GRIP2: variants seen among roughly 807,000 people sequenced by gnomAD.
GRIP2 encodes glutamate receptor-interacting protein 2.
GRIP2 carries 58 observed loss-of-function variants against 108.3 expected under a neutral mutation model. The ratio of observed to expected loss-of-function variants is 0.54; its 90% CI spans 0.43 to 0.67. The LOEUF is 0.67. GRIP2 is among the 30% of genes least tolerant of loss of function. The pLI is 0.00. For missense variants in GRIP2, 1,278 were observed against 1,430.6 expected (o/e 0.89, Z 1.72); for synonymous variants, 586 against 598.2 (o/e 0.98, Z 0.30).
At position 14,521,730 on chromosome 3, in the gene GRIP2, G is replaced by A. The variant is rs7645232; in HGVS notation, c.624C>T (p.His208=). The A allele has an allele frequency of 0.14, 231,744 of 1,608,900 alleles. 22,821 individuals are homozygous for A. The highest frequency in any genetic ancestry group is 0.48 in the African/African-American group (36,119 of 74,898). The part of the protein sequence containing the change: ...RLLSVDGIPL[H]GASHATALAT... ...CCAGGGCGGTGGCATGGCTGGCCCC[G>A]TGCAGCGGGATTCCATCGACACTGA... Residue 208 remains histidine (H), a synonymous_variant, in exon 7 of 24, where the codon CAC becomes CAT. Transcript: ENST00000621039. This position sits in a 1 kb window ranked among gnomAD's most constrained non-coding sequence, Gnocchi z 5.1.
rs527280825 is a variant in GRIP2 at position 14,513,801 on chromosome 3, C to T, written c.1503G>A (p.Leu501=). The T allele has an allele frequency of 2.9e-5, 46 of 1,612,954 alleles. No homozygotes were observed. The highest frequency in any genetic ancestry group is 3.8e-5 in the Non-Finnish European group (45 of 1,179,586). ...ACAGGACACGGTCCCCCACCTGCAG[C>T]AGCCCACACCTGAACCCAGGGGGCC... is the stretch of plus-strand genomic sequence containing the variant. ...EPDSPAERCG[L]LQVGDRVLSI... Residue 501 remains leucine, a synonymous_variant, in exon 13 of 24, where the codon CTG becomes CTA. Coordinates refer to ENST00000621039, the MANE Select transcript of GRIP2 (RefSeq NM_001080423.4).
At chr3:14,536,199 T>C (rs1694830015) in intron 1 of GRIP2, among the ~76,000 whole-genome samples, 1 of 152,214 alleles carries the variant, frequency 6.6e-6, no homozygotes, top group African/African-American at 2.4e-5. Context: ...GTTGGGCCCT[T>C]CCCTGGGCCA....
In GRIP2 at chr3:14,505,885, C is replaced by T. The variant is rs1251879944; in HGVS notation, c.2399-96G>A. 15 of 1,169,716 alleles carry T rather than the reference C, an allele frequency of 1.3e-5. No homozygotes were observed. In the East Asian group the frequency reaches 2.0e-4, roughly 16 times the overall value. The allele number at this position is 1,169,716 out of a possible 1,614,324, so 72.5% of individuals were successfully genotyped here. The stretch of plus-strand genomic sequence containing the variant: ...CTGTGCTGAGTGACCCTGGGGAGGT[C>T]GTTGCTCCTCTCTGGGCCTGCATCT... On this transcript the variant is annotated intron_variant, in intron 19 of 23. Coordinates refer to ENST00000621039, the MANE Select transcript of GRIP2 (RefSeq NM_001080423.4). The surrounding 1 kb of genome is among the most constrained non-coding windows in gnomAD (Gnocchi z 4.2).
Position 14,496,403 on chromosome 3 carries a change from C to A in GRIP2, c.2823+14G>T. The A allele has an allele frequency of 6.2e-7, 1 of 1,602,894 alleles. No individual in the cohort carries two copies. The highest frequency in any genetic ancestry group is 8.5e-7 in the Non-Finnish European group (1 of 1,173,238). On this transcript the variant is annotated intron_variant, in intron 22 of 23. Transcript: ENST00000621039. ...CACAGGTCCAGGTCTCCTGTGCTCA[C>A]CCCCTGTGCCTACCTTGTGCATCTC...
At chr3:14,591,769 A>C in the GRIP2 span, among the ~76,000 whole-genome samples, 1 of 152,126 alleles carries the variant, frequency 6.6e-6, no homozygotes, top group Non-Finnish European at 1.5e-5. Context: ...CACCCTGAGG[A>C]CCTTCTGGGA....
At chr3:14,575,860 G>A in the GRIP2 span, among the ~76,000 whole-genome samples, 1 of 152,274 alleles carries the variant, frequency 6.6e-6, no homozygotes, top group African/African-American at 2.4e-5. Flanking sequence ...CCCATCCTCT[G>A]TGTGAGAAGT....
intron 1 of GRIP2, among the ~76,000 whole-genome samples, chr3:14,536,752 C>T (rs548487218): frequency 1.8e-4 from 27 of 152,306 alleles, no homozygotes; most frequent in Admixed American, 1.4e-3. Context: ...TGTCAAGGAA[C>T]GTGACCTCAA....
rs557090926 is a variant in GRIP2, at chr3:14,491,766, C to G, written c.*1899G>C. The G allele has an allele frequency of 6.6e-6, 1 of 152,458 alleles. No individual in the cohort carries two copies. Among genetic ancestry groups the G allele is most frequent in the African/African-American group, 2.4e-5 (1 of 41,586 alleles). 9.4% of individuals were successfully genotyped at this position (152,458 alleles called of 1,614,324 possible). ...GCAGAGGTCCAGAGAGGCTGAGCCA[C>G]CTGTCCAAGGTCACACAGCTATGGC... On this transcript the variant is annotated 3_prime_UTR_variant, in exon 24 of 24. Coordinates refer to ENST00000621039, the MANE Select transcript of GRIP2 (RefSeq NM_001080423.4).
At chr3:14,576,024 G>C in the GRIP2 span, among the ~76,000 whole-genome samples, 3 of 152,242 alleles carry the variant, frequency 2.0e-5, no homozygotes, top group Admixed American at 6.5e-5. Flanking sequence ...CTGGAAATGG[G>C]AGGACCCACC....
the GRIP2 span, among the ~76,000 whole-genome samples, chr3:14,597,565 T>TA: frequency 7.9e-4 from 120 of 151,968 alleles, no homozygotes; most frequent in African/African-American, 2.6e-3. Flanking sequence ...TTGGTTTTTT[T>TA]AAAAAAAAAT....
chr3:14,572,523 A>T, the GRIP2 span, among the ~76,000 whole-genome samples: 2 of 139,492 alleles, frequency 1.4e-5, no homozygotes, highest in Middle Eastern at 3.6e-3. Flanking sequence ...GAGGCAGGAG[A>T]ATGGCGTGAA....
At chr3:14,519,980 TG>T in intron 9 of GRIP2, 129 bp downstream of exon 9, 2 of 910,896 alleles carry the variant, frequency 2.2e-6, no homozygotes, top group Non-Finnish European at 3.3e-6. Flanking sequence ...TGAGCTTCCC[TG>T]GGCAAATGAG....
the GRIP2 span, among the ~76,000 whole-genome samples, chr3:14,580,998 T>C: frequency 1.4e-5 from 2 of 139,976 alleles, no homozygotes; most frequent in Non-Finnish European, 3.3e-5. Flanking sequence ...TGCAGATTAC[T>C]GACTACCAGC....
intron 1 of GRIP2, among the ~76,000 whole-genome samples, chr3:14,527,223 G>C (rs993730284): frequency 6.6e-5 from 10 of 151,308 alleles, no homozygotes; most frequent in African/African-American, 2.2e-4. Context: ...ACAGAAGAGA[G>C]AGAGGGGGTG....
chr3:14,535,213 G>A (rs967725866), intron 1 of GRIP2, among the ~76,000 whole-genome samples: 2 of 152,176 alleles, frequency 1.3e-5, no homozygotes, highest in African/African-American at 4.8e-5. Flanking sequence ...ACCATGGAAG[G>A]GATTGTTGAT....
At chr3:14,554,470 G>A (rs546803171) in intron 1 of GRIP2, among the ~76,000 whole-genome samples, 10 of 152,178 alleles carry the variant, frequency 6.6e-5, no homozygotes, top group Admixed American at 6.5e-5. Context: ...TGTCTCCTGC[G>A]GGGGTGGTCT....
rs1018569300 is a variant in GRIP2, at chr3:14,492,057, C to A, written c.*1608G>T. The A allele has an allele frequency of 9.8e-5, 15 of 152,330 alleles. No individual in the cohort carries two copies. The highest frequency in any genetic ancestry group is 3.6e-4 in the African/African-American group (15 of 41,434). 9.4% of individuals were successfully genotyped at this position (152,330 alleles called of 1,614,324 possible). A position where few individuals can be genotyped will look rare whatever the true frequency, so the allele number is the denominator to read the frequency against. ...CCTCCAGGAGACAGCGTGGGCAGGT[C>A]CCCAAGGGGGCCTTGGTGGGTCGGC... is the stretch of plus-strand genomic sequence containing the variant. On this transcript the variant is annotated 3_prime_UTR_variant, in exon 24 of 24. Transcript: ENST00000621039.
chr3:14,511,230 A>C lies in GRIP2; in HGVS notation c.1868T>G (p.Val623Gly). 1.2e-6 allele frequency: 2 copies of C among 1,613,922 alleles called. No homozygotes were observed. The highest frequency in any genetic ancestry group is 1.7e-6 in the Non-Finnish European group (2 of 1,179,878). ...GTCCTCGCACTGCCGCAGGATTTGC[A>C]CGGCGTCCTCCATGGGGCAGTTGTC... ...RLDNCPMEDA[V>G]QILRQCEDLV... Residue 623 changes from valine (V) to glycine (G), a missense_variant, in exon 16 of 24, where the codon GTG (valine) becomes GGG (glycine). Transcript: ENST00000621039. The surrounding 1 kb of genome is among the most constrained non-coding windows in gnomAD (Gnocchi z 4.1).
intron 21 of GRIP2, among the ~76,000 whole-genome samples, chr3:14,502,315 A>G (rs1048264835): frequency 1.3e-5 from 2 of 152,158 alleles, no homozygotes; most frequent in African/African-American, 4.8e-5. Context: ...CAACACAGTG[A>G]AAACCCATCT....
Sources: gnomAD v4.1 joint callset for allele counts (sites outside exome capture counted in the v4.1 genomes callset) on GRCh38, gnomAD v4.1.1 for gene constraint, Gnocchi (gnomAD v3.1) non-coding constraint, MANE v1.5 for transcripts, NCBI Gene and HGNC (gene_info 2026-07-23, HGNC 2026-07-21) for gene names.